GRIK1: variants seen among roughly 807,000 people sequenced by gnomAD.
GRIK1 encodes the protein glutamate receptor ionotropic, kainate 1.
A neutral mutation model predicts 105.7 loss-of-function variants in GRIK1; 69 were observed. That is an observed-to-expected ratio of 0.65 (90% CI 0.54 to 0.80). The LOEUF is 0.80. GRIK1 is among the 30% of genes least tolerant of loss of function. The probability of loss-of-function intolerance (pLI) is 0.00; values close to 1 mark genes in which losing one functional copy is unlikely to be tolerated. For synonymous variants in GRIK1, 438 were observed against 431.3 expected, an observed-to-expected ratio of 1.02 and a Z score of -0.19; for missense variants, 1,109 against 1,167.3, an observed-to-expected ratio of 0.95 and a Z score of 0.73.
At chr21:29,788,149 C>T (rs941756452) in intron 1 of GRIK1, among the ~76,000 whole-genome samples, 5 of 152,118 alleles carry the variant, frequency 3.3e-5, no homozygotes, top group East Asian at 1.9e-4. Context: ...TTTCAATGAA[C>T]GGTGAAAGAT....
intron 15 of GRIK1, among the ~76,000 whole-genome samples, chr21:29,560,342 T>C (rs1218939002): frequency 6.0e-5 from 7 of 116,068 alleles, no homozygotes; most frequent in African/African-American, 7.2e-5. Context: ...TTTCTTTCTT[T>C]CTTTCTTTCT....
intron 6 of GRIK1, among the ~76,000 whole-genome samples, chr21:29,646,111 T>C (rs937104800): frequency 6.6e-6 from 1 of 152,222 alleles, no homozygotes; most frequent in Non-Finnish European, 1.5e-5. Context: ...AGATAGTTTA[T>C]GCTAAAAACA....
intron 1 of GRIK1, among the ~76,000 whole-genome samples, chr21:29,719,121 G>T (rs2064254346): frequency 6.8e-6 from 1 of 146,338 alleles, no homozygotes; most frequent in Admixed American, 6.9e-5. Context: ...AAAAGTAATT[G>T]CAGTTTTGCC....
chr21:29,841,931 G>T (rs2067994549), intron 1 of GRIK1, among the ~76,000 whole-genome samples: 1 of 152,048 alleles, frequency 6.6e-6, no homozygotes, highest in Non-Finnish European at 1.5e-5. Context: ...AAATACATTT[G>T]ACTGTTTCTC....
intron 14 of GRIK1, among the ~76,000 whole-genome samples, chr21:29,576,088 A>T (rs1447986897): frequency 6.6e-6 from 1 of 151,896 alleles, no homozygotes; most frequent in African/African-American, 2.4e-5. Flanking sequence ...TAGACTAGGT[A>T]TTTGACTTGG....
chr21:29,710,201 CCT>C (rs1178636819), intron 1 of GRIK1, among the ~76,000 whole-genome samples: 1 of 151,908 alleles, frequency 6.6e-6, no homozygotes, highest in Non-Finnish European at 1.5e-5. Flanking sequence ...ATTAACTCAT[CCT>C]GGCAATTCTG....
chr21:29,683,979 A>T (rs1192819551), intron 3 of GRIK1, among the ~76,000 whole-genome samples: 1 of 152,060 alleles, frequency 6.6e-6, no homozygotes, highest in Non-Finnish European at 1.5e-5. Flanking sequence ...TTAAATTTTT[A>T]CTCAAACGTT....
intron 4 of GRIK1, among the ~76,000 whole-genome samples, chr21:29,663,211 C>A (rs933743244): frequency 2.6e-5 from 4 of 152,090 alleles, no homozygotes; most frequent in African/African-American, 9.7e-5. Context: ...GTGCAAGTGG[C>A]AGGAAAATTA....
chr21:29,925,027 A>C lies in GRIK1; in HGVS notation c.118+14356T>G, dbSNP rs186678140. 2.0e-5 allele frequency among the ~76,000 whole-genome samples: 3 copies of C among 152,344 alleles called. No individual in the cohort carries two copies. The East Asian group carries it at 5.8e-4, about 29-fold the overall frequency. On this transcript the variant is annotated intron_variant, in intron 1 of 17. Transcript: ENST00000327783. Reference sequence around the variant, plus strand: ...ATACTATAAATTGAAGTCTAGATCAAACCAAACTATTTGACAGTTCCATAC... The same window carrying C: ...ATACTATAAATTGAAGTCTAGATCACACCAAACTATTTGACAGTTCCATAC...
intron 1 of GRIK1, among the ~76,000 whole-genome samples, chr21:29,877,856 G>A (rs1396361870): frequency 6.6e-6 from 1 of 152,088 alleles, no homozygotes; most frequent in Non-Finnish European, 1.5e-5. Context: ...AGATGAGAAA[G>A]TCACCTTCTC....
chr21:29,724,475 C>T (rs530281318), intron 1 of GRIK1, among the ~76,000 whole-genome samples: 2 of 152,210 alleles, frequency 1.3e-5, no homozygotes, highest in East Asian at 3.9e-4. Flanking sequence ...GTGAAAATAG[C>T]CTGCAATACC....
chr21:29,563,766 T>C (rs182056600), intron 14 of GRIK1, among the ~76,000 whole-genome samples: 1 of 152,290 alleles, frequency 6.6e-6, no homozygotes, highest in East Asian at 1.9e-4. Context: ...TTTAAAGTTG[T>C]CAGAGACTTT....
At chr21:29,553,307 G>C in intron 16 of GRIK1, 4 of 1,097,934 alleles carry the variant, frequency 3.6e-6, no homozygotes, top group Non-Finnish European at 4.4e-6. Context: ...GATGATGAGT[G>C]GGACAGAGAA....
intron 1 of GRIK1, among the ~76,000 whole-genome samples, chr21:29,726,553 GA>G (rs1287045747): frequency 6.6e-6 from 1 of 151,940 alleles, no homozygotes; most frequent in Non-Finnish European, 1.5e-5. Context: ...TAATATTTTG[GA>G]GTATTTCTTT....
intron 3 of GRIK1, among the ~76,000 whole-genome samples, chr21:29,686,697 C>T (rs1220014493): frequency 6.6e-6 from 1 of 152,186 alleles, no homozygotes; most frequent in African/African-American, 2.4e-5. Context: ...ACCAAGACCC[C>T]CATGGCCATA....
chr21:29,844,833 A>C (rs531686422), intron 1 of GRIK1, among the ~76,000 whole-genome samples: 73 of 152,222 alleles, frequency 4.8e-4, no homozygotes, highest in Non-Finnish European at 9.0e-4. Flanking sequence ...CTTTATTTAC[A>C]AGTATCTTTT....
In GRIK1 at chr21:29,742,000, T is replaced by C. The variant is rs560486390; in HGVS notation, c.119-47937A>G. ...ATATTTAATCATGGAGAAGGTACAATGGCCTCATTTACAGTGATACATCAA... is the reference window on the plus strand; with the variant it reads ...ATATTTAATCATGGAGAAGGTACAACGGCCTCATTTACAGTGATACATCAA... On this transcript the variant is annotated intron_variant, in intron 1 of 17. Transcript: ENST00000327783. 7.9e-4 allele frequency among the ~76,000 whole-genome samples: 121 copies of C among 152,336 alleles called. 1 individual carries two copies. The highest frequency in any genetic ancestry group is 2.6e-3 in the African/African-American group (108 of 41,566).
At chr21:29,803,364 T>C (rs909006370) in intron 1 of GRIK1, among the ~76,000 whole-genome samples, 1 of 152,204 alleles carries the variant, frequency 6.6e-6, no homozygotes, top group Non-Finnish European at 1.5e-5. Flanking sequence ...AGTGCCAAAG[T>C]AATCAGCAAT....
chr21:29,567,478 T>G (rs1367507412), intron 14 of GRIK1, among the ~76,000 whole-genome samples: 1 of 152,198 alleles, frequency 6.6e-6, no homozygotes, highest in Non-Finnish European at 1.5e-5. Context: ...TATATCGATC[T>G]GTGTTTATGT....
Sources: allele counts gnomAD v4.1 joint callset (sites outside exome capture counted in the v4.1 genomes callset), GRCh38; gene constraint gnomAD v4.1.1; transcripts MANE v1.5; gene names NCBI Gene and HGNC (gene_info 2026-07-23, HGNC 2026-07-21).